Variants in GPR137B observed in about 807,000 individuals in gnomAD.
GPR137B encodes the protein G protein-coupled receptor 137B, also known as integral membrane protein GPR137B.
A neutral mutation model predicts 42.5 loss-of-function variants in GPR137B; 42 were observed. The ratio of observed to expected loss-of-function variants is 0.99; its 90% confidence interval spans 0.77 to 1.28. The LOEUF (loss-of-function observed/expected upper bound fraction) is 1.28, where lower values mean the gene tolerates loss of function less well. Ranked by LOEUF, GPR137B falls within the 50% of genes most tolerant of loss-of-function variation. The pLI is 0.00. For synonymous variants in GPR137B, 218 were observed against 209.7 expected (o/e 1.04, Z -0.34); for missense variants, 487 against 493.9 (o/e 0.99, Z 0.13).
At chr1:236,190,364 T>A (rs1663160025) in intron 5 of GPR137B, among the ~76,000 whole-genome samples, 1 of 152,322 alleles carries the variant, frequency 6.6e-6, no homozygotes, top group Non-Finnish European at 1.5e-5. Flanking sequence ...GTGAATTTGA[T>A]CCTGACATTA....
chr1:236,179,988 T>C lies in GPR137B; in HGVS notation c.797T>C (p.Val266Ala). Reference sequence around the variant, plus strand: ...CTGTCATTTTCTCAGAACAAGAGCGTCCATTCCTTTGATTATGACTGGTAC... The same window carrying C: ...CTGTCATTTTCTCAGAACAAGAGCGCCCATTCCTTTGATTATGACTGGTAC... ...FILSFSQNKS[V>A]HSFDYDWYNV... Residue 266 changes from valine (V) to alanine (A), a missense_variant, in exon 4 of 7, where the codon GTC becomes GCC. Physicochemically the swap from Val to Ala is moderately conservative, Grantham distance 64. Transcript: ENST00000366592. 6.2e-7 allele frequency: 1 copy of C among 1,613,738 alleles called. No individual in the cohort carries two copies. The highest frequency in any genetic ancestry group is 8.5e-7 in the Non-Finnish European group (1 of 1,179,702).
chr1:236,152,039 T>C (rs1206084199), intron 1 of GPR137B, among the ~76,000 whole-genome samples: 1 of 152,212 alleles, frequency 6.6e-6, no homozygotes, highest in Non-Finnish European at 1.5e-5. Context: ...ACTCATTTTC[T>C]GGGAAGACAG....
At chr1:236,159,682 C>T (rs921803710) in intron 1 of GPR137B, among the ~76,000 whole-genome samples, 1 of 152,016 alleles carries the variant, frequency 6.6e-6, no homozygotes, top group African/African-American at 2.4e-5. Flanking sequence ...AAATCAGTGA[C>T]GCGTGAACAG....
At chr1:236,169,881 A>T (rs1430360744) in intron 2 of GPR137B, among the ~76,000 whole-genome samples, 1 of 151,990 alleles carries the variant, frequency 6.6e-6, no homozygotes, top group Non-Finnish European at 1.5e-5. Flanking sequence ...CTCTACTAAA[A>T]ATACAAAAAT....
At chr1:236,204,769 T>G (rs980262309) in intron 5 of GPR137B, among the ~76,000 whole-genome samples, 1 of 152,192 alleles carries the variant, frequency 6.6e-6, no homozygotes, top group African/African-American at 2.4e-5. Context: ...GGTTTTAGTC[T>G]TTCCGGTTTA....
chr1:236,196,990 A>T (rs1663358181), intron 5 of GPR137B, among the ~76,000 whole-genome samples: 1 of 152,170 alleles, frequency 6.6e-6, no homozygotes, highest in South Asian at 2.1e-4. Flanking sequence ...AGTAAGTGGG[A>T]TTCCCACCAG....
intron 1 of GPR137B, among the ~76,000 whole-genome samples, chr1:236,154,496 C>G (rs1489372072): frequency 6.6e-6 from 1 of 151,840 alleles, no homozygotes; most frequent in African/African-American, 2.4e-5. Flanking sequence ...CCCCAGTGAG[C>G]TGGGACAGTG....
intron 1 of GPR137B, among the ~76,000 whole-genome samples, chr1:236,153,111 A>G (rs1661917257): frequency 6.6e-6 from 1 of 152,170 alleles, no homozygotes; most frequent in South Asian, 2.1e-4. Flanking sequence ...AATAAAAAAA[A>G]GACGTATTGA....
intron 1 of GPR137B, among the ~76,000 whole-genome samples, chr1:236,160,786 TG>T (rs1006346647): frequency 1.8e-4 from 28 of 152,248 alleles, no homozygotes; most frequent in African/African-American, 6.5e-4. Context: ...TGGTCCAGCC[TG>T]TCAGCCGCAC....
intron 5 of GPR137B, among the ~76,000 whole-genome samples, chr1:236,197,929 C>T (rs992904362): frequency 6.6e-6 from 1 of 152,280 alleles, no homozygotes; most frequent in East Asian, 1.9e-4. Context: ...CTATGTTGAC[C>T]AGGCTGGTCT....
Position 236,155,081 on chromosome 1 carries a change from A to AGG in GPR137B, c.414+12046_414+12047dup, listed in dbSNP as rs1358586879. ...CCAAAGAGAGAGAATCCTGCCAGGG[A>AGG]GGCAGGTCAGAATTATTTGCCTCCA... On this transcript the variant is annotated intron_variant, in intron 1 of 6. Transcript: ENST00000366592. The surrounding 1 kb of genome is among the most constrained non-coding windows in gnomAD (Gnocchi z 4.6). 6.6e-6 allele frequency among the ~76,000 whole-genome samples: 1 copy of AGG among 152,202 alleles called. No homozygotes were observed. The highest frequency in any genetic ancestry group is 1.5e-5 in the Non-Finnish European group (1 of 68,034).
At chr1:236,200,026 G>C (rs1663449540) in intron 5 of GPR137B, among the ~76,000 whole-genome samples, 1 of 151,934 alleles carries the variant, frequency 6.6e-6, no homozygotes, top group Admixed American at 6.6e-5. Context: ...CACTTTTGCT[G>C]TGCCTCAGAG....
chr1:236,195,197 G>A lies in GPR137B; in HGVS notation c.967-9929G>A, dbSNP rs546837682. On this transcript the variant is annotated intron_variant, in intron 5 of 6. Coordinates refer to ENST00000366592, the MANE Select transcript of GPR137B (RefSeq NM_003272.4). ...ACCCTGTTGTTAGTGCTATCAAATA[G>A]TAAGTCTTATTCATTCACTAAAATT... 6.6e-5 allele frequency among the ~76,000 whole-genome samples: 10 copies of A among 150,818 alleles called. No homozygotes were observed. The South Asian group carries it at 1.7e-3, about 26-fold the overall frequency.
At chr1:236,162,820 T>TGGGGGTA (rs1233823458) in intron 1 of GPR137B, among the ~76,000 whole-genome samples, 2 of 152,128 alleles carry the variant, frequency 1.3e-5, no homozygotes, top group African/African-American at 4.8e-5. Flanking sequence ...AAGTTTGCTG[T>TGGGGGTA]GGGGGTGGGG....
At chr1:236,192,382 A>C (rs1018248353) in intron 5 of GPR137B, among the ~76,000 whole-genome samples, 2 of 151,626 alleles carry the variant, frequency 1.3e-5, no homozygotes, top group African/African-American at 4.8e-5. Context: ...TGGGGAAAAA[A>C]AAAAAAACAA....
intron 1 of GPR137B, among the ~76,000 whole-genome samples, chr1:236,165,075 T>G (rs1245497434): frequency 1.3e-5 from 2 of 152,186 alleles, no homozygotes; most frequent in Non-Finnish European, 2.9e-5. Context: ...CAGCTAATTT[T>G]TATAGTTTTA....
intron 5 of GPR137B, among the ~76,000 whole-genome samples, chr1:236,190,220 TATGTCTTTTCACGTGAG>T (rs1258911303): frequency 6.6e-6 from 1 of 151,166 alleles, no homozygotes; most frequent in Non-Finnish European, 1.5e-5. Flanking sequence ...TGAGCCTATG[TATGTCTTTTCACGTGAG>T]ATGGGTCTCC....
intron 5 of GPR137B, among the ~76,000 whole-genome samples, chr1:236,195,415 A>G (rs998866001): frequency 1.3e-5 from 2 of 152,112 alleles, no homozygotes; most frequent in Admixed American, 6.5e-5. Flanking sequence ...CAGTTCATCC[A>G]TGTTGTTCCA....
chr1:236,199,114 CT>C (rs970674656), intron 5 of GPR137B, among the ~76,000 whole-genome samples: 2 of 152,076 alleles, frequency 1.3e-5, no homozygotes, highest in African/African-American at 4.8e-5. Flanking sequence ...TAAACAGATG[CT>C]GGATTTTTTC....
Sources: allele counts gnomAD v4.1 joint callset (sites outside exome capture counted in the v4.1 genomes callset), GRCh38; gene constraint gnomAD v4.1.1; non-coding constraint Gnocchi (gnomAD v3.1); transcripts MANE v1.5; gene names NCBI Gene and HGNC (gene_info 2026-07-23, HGNC 2026-07-21).